Variants in MAD2L2 observed in about 807,000 individuals in gnomAD.
The protein encoded by MAD2L2 is mitotic arrest deficient 2 like 2.
Under a neutral mutation model 30.5 loss-of-function variants are expected in MAD2L2, and 17 were observed. The observed-to-expected ratio is 0.56, with a 90% CI of 0.38 to 0.84. The LOEUF (loss-of-function observed/expected upper bound fraction) is 0.84, where lower values mean the gene tolerates loss of function less well. Ranked by LOEUF, MAD2L2 falls within the 40% of genes least tolerant of loss-of-function variation. MAD2L2 has a pLI of 0.00. For missense variants in MAD2L2, 213 were observed against 277.4 expected, an observed-to-expected ratio of 0.77 and a Z score of 1.65; for synonymous variants, 101 against 113.9, an observed-to-expected ratio of 0.89 and a Z score of 0.72.
chr1:11,677,293 C>T, intron 4 of MAD2L2: 1 of 597,214 alleles, frequency 1.7e-6, no homozygotes, highest in Non-Finnish European at 3.0e-6. Flanking sequence ...CCCTCTGGGG[C>T]AGCCCCTACT....
At chr1:11,677,666 C>T in intron 3 of MAD2L2, 52 bp from the exon 4 acceptor site, 3 of 1,479,486 alleles carry the variant, frequency 2.0e-6, no homozygotes, top group Non-Finnish European at 2.8e-6. Flanking sequence ...ATGGGGAAAC[C>T]ACCCAACACA....
intron 7 of MAD2L2, 92 bp from the exon 8 acceptor site, chr1:11,675,266 C>A: frequency 2.5e-6 from 2 of 811,384 alleles, no homozygotes; most frequent in Non-Finnish European, 3.9e-6. Flanking sequence ...CAGGGGCCTC[C>A]AACCTGAGCC....
At chr1:11,680,496 C>A in intron 2 of MAD2L2, 25 bp from the exon 3 acceptor site, 1 of 1,611,750 alleles carries the variant, frequency 6.2e-7, no homozygotes, top group African/African-American at 1.3e-5. Context: ...AAGCCGGTGG[C>A]GCGCTCGAGG....
intron 3 of MAD2L2, among the ~76,000 whole-genome samples, chr1:11,678,591 TAAGAACTA>T (rs575546686): frequency 1.2e-4 from 18 of 152,310 alleles, no homozygotes; most frequent in Middle Eastern, 3.4e-3. Flanking sequence ...TGTCAAAAGT[TAAGAACTA>T]AGGAACTGTG....
At chr1:11,685,980 A>T (rs1307028983), upstream of MAD2L2, among the ~76,000 whole-genome samples, 1 of 152,178 alleles carries the variant, frequency 6.6e-6, no homozygotes, top group Non-Finnish European at 1.5e-5. Flanking sequence ...TAAAGTGCAC[A>T]ATGCCTGGCA....
chr1:11,680,084 C>T (rs1270069581), intron 3 of MAD2L2, among the ~76,000 whole-genome samples: 1 of 146,876 alleles, frequency 6.8e-6, no homozygotes, highest in Non-Finnish European at 1.5e-5. Context: ...CAACCTCCGC[C>T]TCCTGGGTTC....
chr1:11,680,240 C>T, intron 3 of MAD2L2, 113 bp downstream of exon 3: 1 of 816,642 alleles, frequency 1.2e-6, no homozygotes, highest in South Asian at 1.7e-5. Context: ...AGGTGATCCG[C>T]CCGCCTCGGC....
chr1:11,678,137 G>A (rs1039397212), intron 3 of MAD2L2, among the ~76,000 whole-genome samples: 7 of 151,564 alleles, frequency 4.6e-5, no homozygotes, highest in African/African-American at 1.7e-4. Flanking sequence ...AACTCAGGCT[G>A]GGCACAGTGG....
At chr1:11,686,807 T>TAAAAAAAAAAAAAAAAAAAAAAAA (rs560855200) in intron 1 of MAD2L2, among the ~76,000 whole-genome samples, 1 of 104,490 alleles carries the variant, frequency 9.6e-6, no homozygotes. Flanking sequence ...ACTGCCACTT[T>TAAAAAAAAAAAAAAAAAAAAAAAA]AAAAAAAAAA....
At chr1:11,682,068 C>T (rs1640889102), upstream of MAD2L2, 1 of 152,200 alleles carries the variant, frequency 6.6e-6, no homozygotes, top group Non-Finnish European at 1.5e-5. Flanking sequence ...ATGTGTCAAA[C>T]ACTGATTCCG....
intron 1 of MAD2L2, among the ~76,000 whole-genome samples, chr1:11,691,137 C>A (rs952046137): frequency 6.6e-6 from 1 of 152,220 alleles, no homozygotes; most frequent in South Asian, 2.1e-4. Context: ...ACAAAGGCCC[C>A]GCCGTTCCCC....
chr1:11,676,138 G>A lies in MAD2L2; in HGVS notation c.335C>T (p.Ser112Leu). 5.0e-6 allele frequency: 8 copies of A among 1,593,202 alleles called. No individual in the cohort carries two copies. The highest frequency in any genetic ancestry group is 1.1e-5 in the South Asian group (1 of 88,844). ...ITQPPLLSIS[S>L]DSLLSHVEQL... is the part of the protein sequence containing the mutation. ...CTCCACATGAGACAACAGCGAGTCT[G>A]AGCTGGGAGTGAGAGGAGGTCTTCC... The change falls in exon 6 of 9, where the codon TCA (serine) becomes TTA (leucine). Residue 112 changes from serine (S) to leucine (L), a missense_variant and splice_region_variant. Physicochemically the swap from Ser to Leu is moderately radical, Grantham distance 145. Coordinates refer to ENST00000376692, the MANE Select transcript of MAD2L2 (RefSeq NM_006341.4).
intron 4 of MAD2L2, 187 bp downstream of exon 4, chr1:11,677,356 C>T (rs559535252): frequency 1.9e-5 from 12 of 633,358 alleles, no homozygotes; most frequent in Non-Finnish European, 3.3e-5. Flanking sequence ...GAACATGGCC[C>T]GCATGCCTTG....
rs1189853112 is a variant in MAD2L2, at chr1:11,676,831, G to C, written c.332+17C>G. ...CACCTGATGCCAGCTAGTGGGCGAGGGGCAGGGGCAGCCCACCTGATGGAC... is the reference window on the plus strand; with the variant it reads ...CACCTGATGCCAGCTAGTGGGCGAGCGGCAGGGGCAGCCCACCTGATGGAC... On this transcript the variant is annotated intron_variant, in intron 5 of 8. Transcript: ENST00000376692. 6 of 1,602,960 alleles carry C rather than the reference G, an allele frequency of 3.7e-6. No homozygotes were observed. The highest frequency in any genetic ancestry group is 5.1e-6 in the Non-Finnish European group (6 of 1,169,878).
upstream of MAD2L2, among the ~76,000 whole-genome samples, chr1:11,682,625 G>A (rs1640896836): frequency 2.0e-5 from 3 of 152,114 alleles, no homozygotes; most frequent in South Asian, 6.2e-4. Context: ...CTGCCCTGCT[G>A]CCTAGAGCAA....
upstream of MAD2L2, among the ~76,000 whole-genome samples, chr1:11,684,912 T>TTCTCTCTCTC (rs992009558): frequency 1.4e-5 from 2 of 140,994 alleles, no homozygotes; most frequent in African/African-American, 2.7e-5. Flanking sequence ...CAAATTCAGG[T>TTCTCTCTCTC]TCTCTCTCTC....
chr1:11,680,765 A>C (rs559477212), intron 1 of MAD2L2, 152 bp from the exon 2 acceptor site: 7 of 1,336,816 alleles, frequency 5.2e-6, no homozygotes, highest in Admixed American at 7.3e-5. Context: ...AAGAACCTCC[A>C]CCCCCACGCT....
chr1:11,681,095 C>T lies in MAD2L2; in HGVS notation c.-69G>A, dbSNP rs1367873025. 6.6e-6 allele frequency: 1 copy of T among 152,590 alleles called. No homozygotes were observed. The highest frequency in any genetic ancestry group is 1.9e-4 in the East Asian group (1 of 5,188). The allele number at this position is 152,590 out of a possible 1,614,324, so 9.5% of individuals were successfully genotyped here. ...GGCCCGGCCCCGCCGCGGGGAGCCA[C>T]CGACCGGACCGATCGCGCCTCCCGC... is the stretch of plus-strand genomic sequence containing the variant. On this transcript the variant is annotated 5_prime_UTR_variant, in exon 1 of 9. It adds an upstream start codon to the 5' untranslated region. Coordinates refer to ENST00000376692, the MANE Select transcript of MAD2L2 (RefSeq NM_006341.4).
rs372997698 is a variant in MAD2L2 at position 11,676,036 on chromosome 1, G to T, written c.427+10C>A. The T allele has an allele frequency of 1.2e-5, 19 of 1,610,418 alleles. No individual in the cohort carries two copies. The highest frequency in any genetic ancestry group is 1.6e-5 in the Non-Finnish European group (19 of 1,177,080). Reference sequence around the variant, plus strand: ...ATGCCAAGGGAAGAGAGGGTGGGGAGTGGACACACCTGGGGGGTTGTGGTC... The same window carrying T: ...ATGCCAAGGGAAGAGAGGGTGGGGATTGGACACACCTGGGGGGTTGTGGTC... On this transcript the variant is annotated intron_variant, in intron 6 of 8. Transcript: ENST00000376692.
Sources: allele counts gnomAD v4.1 joint callset (sites outside exome capture counted in the v4.1 genomes callset), GRCh38; gene constraint gnomAD v4.1.1; transcripts MANE v1.5; gene names NCBI Gene and HGNC (gene_info 2026-07-23, HGNC 2026-07-21).